Variants in PCDH15 observed in about 807,000 individuals in gnomAD.
PCDH15 encodes the protein protocadherin related 15, also known as protocadherin-15.
Under a neutral mutation model 178.5 loss-of-function variants are expected in PCDH15, and 129 were observed. The observed-to-expected ratio is 0.72, with a 90% CI of 0.63 to 0.84. The LOEUF (loss-of-function observed/expected upper bound fraction) is 0.84, where lower values mean the gene tolerates loss of function less well. Among genes scored for constraint, PCDH15 ranks in the 40% least tolerant of loss-of-function variants. The pLI is 0.00. For missense variants in PCDH15, 2,230 were observed against 2,099.9 expected, an observed-to-expected ratio of 1.06 and a Z score of -1.21; for synonymous variants, 800 against 732.0, an observed-to-expected ratio of 1.09 and a Z score of -1.50.
intron 2 of PCDH15, among the ~76,000 whole-genome samples, chr10:55,433,308 A>T (rs1439263582): frequency 1.3e-5 from 2 of 151,958 alleles, no homozygotes; most frequent in Admixed American, 1.3e-4. Context: ...GGCAACATGG[A>T]TGGAGCTGGA....
At chr10:54,182,623 T>C (rs969005509) in intron 13 of PCDH15, among the ~76,000 whole-genome samples, 2 of 152,068 alleles carry the variant, frequency 1.3e-5, no homozygotes, top group Non-Finnish European at 2.9e-5. Flanking sequence ...CTGACTTACA[T>C]GTTTTCAAAG....
chr10:55,303,625 A>G (rs1038818482), intron 1 of PCDH15, among the ~76,000 whole-genome samples: 59 of 152,108 alleles, frequency 3.9e-4, no homozygotes, highest in African/African-American at 1.3e-3. Flanking sequence ...ATATTGAGTG[A>G]ATTTTGGTAG....
intron 2 of PCDH15, among the ~76,000 whole-genome samples, chr10:54,554,606 C>A (rs79611604): frequency 6.6e-6 from 1 of 152,020 alleles, no homozygotes; most frequent in South Asian, 2.1e-4. Flanking sequence ...GGTTGGACTT[C>A]CATCTCATTA....
chr10:55,163,369 T>C (rs1444935124), intron 2 of PCDH15, among the ~76,000 whole-genome samples: 1 of 152,164 alleles, frequency 6.6e-6, no homozygotes, highest in Non-Finnish European at 1.5e-5. Context: ...CTTAGAACTA[T>C]CTCACAAAGT....
chr10:54,647,791 A>T (rs2094162792), intron 2 of PCDH15, among the ~76,000 whole-genome samples: 1 of 152,072 alleles, frequency 6.6e-6, no homozygotes, highest in South Asian at 2.1e-4. Context: ...CACCCCAGAA[A>T]ATGCTATTTT....
chr10:55,511,658 T>A (rs1394203372), intron 2 of PCDH15, among the ~76,000 whole-genome samples: 1 of 152,074 alleles, frequency 6.6e-6, no homozygotes, highest in African/African-American at 2.4e-5. Context: ...AGCAGTCTGA[T>A]GTATTTCTCT....
intron 14 of PCDH15, among the ~76,000 whole-genome samples, chr10:54,141,359 A>C (rs2133180897): frequency 6.6e-6 from 1 of 152,222 alleles, no homozygotes; most frequent in Non-Finnish European, 1.5e-5. Flanking sequence ...GGTTCTTGGC[A>C]AAAATCTTAT....
At chr10:53,875,243 A>T (rs1325006353) in intron 26 of PCDH15, among the ~76,000 whole-genome samples, 1 of 152,106 alleles carries the variant, frequency 6.6e-6, no homozygotes, top group African/African-American at 2.4e-5. Flanking sequence ...CCCACATGTC[A>T]TATAGAAACT....
chr10:54,731,541 G>GATATATATATATATATAT (rs1227921777), intron 1 of PCDH15, among the ~76,000 whole-genome samples: 3,396 of 67,948 alleles, frequency 0.05, 511 homozygotes, highest in African/African-American at 0.063. Flanking sequence ...GAAAATGTGA[G>GATATATATATATATATAT]ATAGATATAT....
intron 2 of PCDH15, among the ~76,000 whole-genome samples, chr10:55,541,989 T>C (rs1405217002): frequency 1.3e-5 from 2 of 151,756 alleles, no homozygotes; most frequent in East Asian, 3.9e-4. Flanking sequence ...GAATACAATA[T>C]ATAAACCTGA....
At position 55,020,286 on chromosome 10, in the gene PCDH15, T is replaced by C. The variant is rs1005892965; in HGVS notation, c.-79-122786A>G. On this transcript the variant is annotated intron_variant, in intron 2 of 5. Coordinates refer to the PCDH15 transcript ENST00000458638. ...AGAATAAATAATCCCTTTCTACAAA[T>C]AGCTGATGAGGGGATTTGGGCATGT... 2.6e-5 allele frequency among the ~76,000 whole-genome samples: 4 copies of C among 151,654 alleles called. No homozygotes were observed. The East Asian group carries it at 5.8e-4, about 22-fold the overall frequency.
rs367668455 is a variant in PCDH15 at position 53,806,831 on chromosome 10, C to T, written c.4971G>A (p.Gly1657=). 4 of 1,613,820 alleles carry T rather than the reference C, an allele frequency of 2.5e-6. No individual in the cohort carries two copies. Among genetic ancestry groups the T allele is most frequent in the Non-Finnish European group, 3.4e-6 (4 of 1,179,818 alleles). The part of the protein sequence containing the change: ...ENVPLNTLSK[G]PFSTEKMNAR... The stretch of plus-strand genomic sequence containing the variant: ...CATTCATTTTTTCAGTAGAAAATGG[C>T]CCCTTTGATAATGTGTTCAGAGGTA... Residue 1657 remains glycine, a synonymous_variant, in exon 38 of 38, where the codon GGG becomes GGA. Coordinates refer to ENST00000644397, the MANE Select transcript of PCDH15 (RefSeq NM_001384140.1).
chr10:54,902,134 G>C (rs1431089923), intron 2 of PCDH15, among the ~76,000 whole-genome samples: 1 of 152,038 alleles, frequency 6.6e-6, no homozygotes, highest in Non-Finnish European at 1.5e-5. Context: ...TATATTCAAA[G>C]AATGAATTTT....
At chr10:53,884,062 T>C (rs1479829260) in intron 26 of PCDH15, among the ~76,000 whole-genome samples, 1 of 152,206 alleles carries the variant, frequency 6.6e-6, no homozygotes, top group Non-Finnish European at 1.5e-5. Flanking sequence ...CAAACTGGTT[T>C]GTTTTTATTT....
At chr10:55,285,434 A>G (rs1027807072) in intron 1 of PCDH15, among the ~76,000 whole-genome samples, 3 of 151,670 alleles carry the variant, frequency 2.0e-5, no homozygotes, top group African/African-American at 7.2e-5. Context: ...TTTATTTAGG[A>G]AGATATTGTG....
chr10:54,921,322 TA>T (rs989572306), intron 2 of PCDH15, among the ~76,000 whole-genome samples: 45 of 130,782 alleles, frequency 3.4e-4, no homozygotes, highest in African/African-American at 8.8e-4. Flanking sequence ...TATTTTTATT[TA>T]TTTTTTTTTA....
intron 2 of PCDH15, among the ~76,000 whole-genome samples, chr10:55,154,060 T>C (rs1176537890): frequency 6.6e-6 from 1 of 152,138 alleles, no homozygotes; most frequent in African/African-American, 2.4e-5. Flanking sequence ...AATGGGTCGC[T>C]CCTATACAAT....
At chr10:53,988,402 A>AC (rs2091251916) in intron 21 of PCDH15, among the ~76,000 whole-genome samples, 1 of 152,114 alleles carries the variant, frequency 6.6e-6, no homozygotes, top group Non-Finnish European at 1.5e-5. Flanking sequence ...AGATAGTTGC[A>AC]CTCAGATGTT....
At chr10:54,023,404 A>G (rs2092988496) in intron 18 of PCDH15, among the ~76,000 whole-genome samples, 1 of 151,612 alleles carries the variant, frequency 6.6e-6, no homozygotes. Context: ...TTAACATAAC[A>G]AAAACGGATA....
Sources: allele counts gnomAD v4.1 joint callset (sites outside exome capture counted in the v4.1 genomes callset), GRCh38; gene constraint gnomAD v4.1.1; transcripts MANE v1.5; gene names NCBI Gene and HGNC (gene_info 2026-07-23, HGNC 2026-07-21).